Variants in SLC2A11 observed in about 807,000 individuals in gnomAD.
SLC2A11 encodes solute carrier family 2, facilitated glucose transporter member 11.
A neutral mutation model predicts 52.1 loss-of-function variants in SLC2A11; 43 were observed. The ratio of observed to expected loss-of-function variants is 0.82; its 90% CI spans 0.65 to 1.06. SLC2A11 has a LOEUF of 1.06. SLC2A11 is among the 50% of genes least tolerant of loss of function. The pLI, the probability that SLC2A11 is intolerant of heterozygous loss-of-function variation, is 0.00. For synonymous variants in SLC2A11, 261 were observed against 277.6 expected, an observed-to-expected ratio of 0.94 and a Z score of 0.59; for missense variants, 582 against 654.2, an observed-to-expected ratio of 0.89 and a Z score of 1.20.
In SLC2A11 at chr22:23,884,137, C is replaced by A; in HGVS notation, c.1171+113C>A. On this transcript the variant is annotated intron_variant, in intron 10 of 11. Coordinates refer to ENST00000316185, the MANE Select transcript of SLC2A11 (RefSeq NM_001024939.4). The surrounding 1 kb of genome is among the most constrained non-coding windows in gnomAD (Gnocchi z 4.3). ...AATGTCCCCTGCAGGCCCTCAGAGA[C>A]CACCTCATGCCGGGGCTTCTGGGAG... The A allele has an allele frequency of 6.7e-7, 1 of 1,496,646 alleles. No homozygotes were observed. Among genetic ancestry groups the A allele is most frequent in the East Asian group, 2.4e-5 (1 of 42,262 alleles). 92.7% of individuals were successfully genotyped at this position (1,496,646 alleles called of 1,614,324 possible).
intron 2 of SLC2A11, among the ~76,000 whole-genome samples, chr22:23,863,324 C>G (rs1452505303): frequency 6.6e-6 from 1 of 152,226 alleles, no homozygotes; most frequent in East Asian, 1.9e-4. Context: ...TCTCCTCTCT[C>G]CTGCTGGTTT....
At position 23,882,346 on chromosome 22, in the gene SLC2A11, A is replaced by G. The variant is rs148433807; in HGVS notation, c.695-113A>G. 189 of 922,568 alleles carry G rather than the reference A, an allele frequency of 2.0e-4. 1 individual carries two copies. In the African/African-American group the frequency reaches 2.9e-3, roughly 14 times the overall value. 57.1% of individuals were successfully genotyped at this position (922,568 alleles called of 1,614,324 possible). A position where few individuals can be genotyped will look rare whatever the true frequency, so the allele number is the denominator to read the frequency against. On this transcript the variant is annotated intron_variant, in intron 6 of 11. Transcript: ENST00000316185. ...CACACACACACAGACAGACTCAGAGACAGAGAGTGAGCCAAGAAGGAAAGG... is the reference window on the plus strand; with the variant it reads ...CACACACACACAGACAGACTCAGAGGCAGAGAGTGAGCCAAGAAGGAAAGG...
Position 23,884,731 on chromosome 22 carries a change from A to G in SLC2A11, c.1382A>G (p.Glu461Gly), listed in dbSNP as rs1334877095. The change falls in exon 12 of 12, where the codon GAG (glutamate) becomes GGG (glycine). Residue 461 changes from glutamate to glycine, a missense_variant. Coordinates refer to ENST00000316185, the MANE Select transcript of SLC2A11 (RefSeq NM_001024939.4). This position sits in a 1 kb window ranked among gnomAD's most constrained non-coding sequence, Gnocchi z 4.3. The stretch of plus-strand genomic sequence containing the variant: ...ATCTACACTGGCCTGTTCCTTCCTG[A>G]GACCAAAGGCAAGACCTTCCAAGAG... Reference protein sequence around the residue: ...GAIYTGLFLPETKGKTFQEIS... With the variant: ...GAIYTGLFLPGTKGKTFQEIS... 10 of 1,614,054 alleles carry G rather than the reference A, an allele frequency of 6.2e-6. No individual in the cohort carries two copies. Among genetic ancestry groups the G allele is most frequent in the Non-Finnish European group, 7.6e-6 (9 of 1,180,004 alleles).
chr22:23,860,784 G>T (rs1291914768), intron 1 of SLC2A11, among the ~76,000 whole-genome samples: 1 of 148,162 alleles, frequency 6.7e-6, no homozygotes, highest in Non-Finnish European at 1.5e-5. Flanking sequence ...CTGGGTTCAA[G>T]CAGTTCTCTG....
At chr22:23,873,332 C>CTGTGTGTGTGTGTGTGTGTGTGT (rs1568990971) in intron 3 of SLC2A11, 1 of 143,728 alleles carries the variant, frequency 7.0e-6, no homozygotes, top group African/African-American at 2.9e-5. Flanking sequence ...TGTGTGTGCA[C>CTGTGTGTGTGTGTGTGTGTGTGT]GCGTGTGTGT....
At chr22:23,857,621 A>G (rs2031892634), upstream of SLC2A11, 18 of 813,672 alleles carry the variant, frequency 2.2e-5, no homozygotes, top group Middle Eastern at 4.4e-4. Flanking sequence ...CGCTGGGGCG[A>G]ACTCCCCAGC....
chr22:23,857,433 G>A (rs2031874366), upstream of SLC2A11: 23 of 1,610,744 alleles, frequency 1.4e-5, no homozygotes, highest in South Asian at 2.4e-4. Context: ...ATGAGCTTGG[G>A]GCTTAGCCGA....
intron 2 of SLC2A11, chr22:23,867,635 C>T (rs991200793): frequency 2.4e-5 from 11 of 468,010 alleles, no homozygotes; most frequent in Non-Finnish European, 4.4e-5. Flanking sequence ...CCAAAAAGAC[C>T]AAGAGATTAG....
chr22:23,881,320 A>G (rs1249643445), intron 6 of SLC2A11: 1 of 104,244 alleles, frequency 9.6e-6, no homozygotes, highest in Admixed American at 1.0e-4. Flanking sequence ...TTGGCTGTCC[A>G]TGTCTTGTCA....
At chr22:23,875,741 A>G (rs1452768201) in intron 4 of SLC2A11, among the ~76,000 whole-genome samples, 1 of 152,176 alleles carries the variant, frequency 6.6e-6, no homozygotes, top group Non-Finnish European at 1.5e-5. Context: ...CCCAGTGGTG[A>G]TGTTATCTAT....
chr22:23,871,804 T>A (rs949753927), intron 3 of SLC2A11: 1 of 152,186 alleles, frequency 6.6e-6, no homozygotes, highest in Non-Finnish European at 1.5e-5. Context: ...CTTCATTACC[T>A]TTTGGGTCCA....
intron 1 of SLC2A11, among the ~76,000 whole-genome samples, chr22:23,861,367 G>A (rs2032060386): frequency 6.7e-6 from 1 of 149,034 alleles, no homozygotes; most frequent in Admixed American, 6.7e-5. Context: ...GGATGCCTTG[G>A]GGAATTCTCC....
chr22:23,861,290 C>CAA (rs56138210), intron 1 of SLC2A11, among the ~76,000 whole-genome samples: 147 of 34,902 alleles, frequency 4.2e-3, no homozygotes, highest in East Asian at 6.2e-3. Context: ...GACTCAGTCT[C>CAA]AAAAAAAAAA....
At chr22:23,873,279 C>T (rs1045691549) in intron 3 of SLC2A11, 5 of 151,126 alleles carry the variant, frequency 3.3e-5, no homozygotes, top group African/African-American at 1.2e-4. Flanking sequence ...GCCTCGGCCC[C>T]CTCAAGCTAC....
At chr22:23,882,416 G>T in intron 6 of SLC2A11, 43 bp from the exon 7 acceptor site, 4 of 1,469,786 alleles carry the variant, frequency 2.7e-6, no homozygotes, top group Non-Finnish European at 3.6e-6. Flanking sequence ...GACCAAAGAG[G>T]GGCTTGGGGA....
upstream of SLC2A11, chr22:23,857,181 G>T: frequency 1.2e-6 from 1 of 856,956 alleles, no homozygotes; most frequent in Non-Finnish European, 1.8e-6. Context: ...GCGGCCGGCA[G>T]TGGCGACCGG....
At position 23,877,882 on chromosome 22, in the gene SLC2A11, C is replaced by A. The variant is rs779460127; in HGVS notation, c.694+13C>A. On this transcript the variant is annotated intron_variant, in intron 6 of 11. Transcript: ENST00000316185. The stretch of plus-strand genomic sequence containing the variant: ...GCCTGCCTGGCAGGTGAGTCTCTGT[C>A]CTTGGGCTCCCAGACTGCCCTTGAC... 1.2e-6 allele frequency: 2 copies of A among 1,603,268 alleles called. No individual in the cohort carries two copies.
intron 2 of SLC2A11, among the ~76,000 whole-genome samples, chr22:23,864,274 A>G (rs188405073): frequency 2.6e-5 from 4 of 152,160 alleles, no homozygotes; most frequent in Admixed American, 2.6e-4. Flanking sequence ...TAAAGAAAGG[A>G]TGAGAGTTTA....
intron 2 of SLC2A11, among the ~76,000 whole-genome samples, chr22:23,863,608 GTTTTT>G (rs71184923): frequency 2.3e-5 from 2 of 86,802 alleles, no homozygotes; most frequent in East Asian, 3.5e-4. Flanking sequence ...TCTCTCTCTG[GTTTTT>G]TTTTTTTTTT....
Sources: allele counts gnomAD v4.1 joint callset (sites outside exome capture counted in the v4.1 genomes callset), GRCh38; gene constraint gnomAD v4.1.1; non-coding constraint Gnocchi (gnomAD v3.1); transcripts MANE v1.5; gene names NCBI Gene and HGNC (gene_info 2026-07-23, HGNC 2026-07-21).